The following CHCHD6 variants were observed in gnomAD, a reference collection of about 807,000 sequenced individuals.
CHCHD6 encodes MICOS complex subunit MIC25.
CHCHD6 carries 28 observed loss-of-function variants against 32.3 expected under a neutral mutation model. The ratio of observed to expected loss-of-function variants is 0.87; its 90% CI spans 0.64 to 1.19. The LOEUF (loss-of-function observed/expected upper bound fraction) is 1.19, where lower values mean the gene tolerates loss of function less well. Ranked by LOEUF, CHCHD6 falls within the 50% of genes most tolerant of loss-of-function variation. The probability of loss-of-function intolerance (pLI) is 0.00; values close to 1 mark genes in which losing one functional copy is unlikely to be tolerated. For synonymous variants in CHCHD6, 122 were observed against 117.5 expected (o/e 1.04, Z -0.25); for missense variants, 333 against 307.0 (o/e 1.08, Z -0.63).
chr3:126,720,535 G>C lies in CHCHD6; in HGVS notation c.88-6543G>C, dbSNP rs566521376. Among the ~76,000 whole-genome samples the C allele has an allele frequency of 2.0e-5, 3 of 152,286 alleles. No homozygotes were observed. In the South Asian group the frequency reaches 6.2e-4, roughly 32 times the overall value. On this transcript the variant is annotated intron_variant, in intron 1 of 7. Coordinates refer to ENST00000290913, the MANE Select transcript of CHCHD6 (RefSeq NM_032343.3). ...GTAGCACTGGCCAGTTTCTATGGTGGATATACCATTGTAGCCAATTCCAAA... is the reference window on the plus strand; with the variant it reads ...GTAGCACTGGCCAGTTTCTATGGTGCATATACCATTGTAGCCAATTCCAAA...
intron 1 of CHCHD6, among the ~76,000 whole-genome samples, chr3:126,718,488 GTA>G (rs1410846925): frequency 6.6e-6 from 1 of 152,202 alleles, no homozygotes; most frequent in Admixed American, 6.5e-5. Flanking sequence ...CACACAGCTG[GTA>G]TGCAGCTTAG....
chr3:126,948,259 C>T (rs2078667761), intron 6 of CHCHD6, among the ~76,000 whole-genome samples: 1 of 152,222 alleles, frequency 6.6e-6, no homozygotes, highest in South Asian at 2.1e-4. Context: ...TTCTGGAGGG[C>T]AGAGGTCCAC....
At chr3:126,746,298 G>A (rs1409041702) in intron 4 of CHCHD6, among the ~76,000 whole-genome samples, 1 of 152,126 alleles carries the variant, frequency 6.6e-6, no homozygotes, top group Non-Finnish European at 1.5e-5. Flanking sequence ...CAGCCTTGCT[G>A]GGAAAGTCAT....
intron 4 of CHCHD6, among the ~76,000 whole-genome samples, chr3:126,765,345 GGC>G (rs34165707): frequency 0.25 from 38,068 of 152,054 alleles, 6,178 homozygotes; most frequent in East Asian, 0.62. Flanking sequence ...TTCCAGGAAA[GGC>G]ACCTCATTAC....
chr3:126,728,079 G>A (rs1020240874), intron 2 of CHCHD6, among the ~76,000 whole-genome samples: 5 of 152,094 alleles, frequency 3.3e-5, no homozygotes, highest in African/African-American at 9.7e-5. Flanking sequence ...CTGGTCTCGC[G>A]TTACAGTTGC....
chr3:126,929,355 A>G (rs1441519194), intron 6 of CHCHD6, among the ~76,000 whole-genome samples: 2 of 152,130 alleles, frequency 1.3e-5, no homozygotes, highest in Non-Finnish European at 2.9e-5. Flanking sequence ...CACTGAACTC[A>G]CCATGTTGTC....
chr3:126,802,983 A>G (rs965236422), intron 4 of CHCHD6, among the ~76,000 whole-genome samples: 1 of 152,202 alleles, frequency 6.6e-6, no homozygotes, highest in African/African-American at 2.4e-5. Context: ...AAGTGAAGAG[A>G]AATAAAATCC....
chr3:126,789,082 C>T (rs1407003081), intron 4 of CHCHD6, among the ~76,000 whole-genome samples: 1 of 152,160 alleles, frequency 6.6e-6, no homozygotes, highest in Admixed American at 6.5e-5. Context: ...GTTATGTATC[C>T]ATTAATCATT....
At chr3:126,903,724 A>G (rs1393129177) in intron 5 of CHCHD6, among the ~76,000 whole-genome samples, 1 of 152,190 alleles carries the variant, frequency 6.6e-6, no homozygotes, top group Non-Finnish European at 1.5e-5. Flanking sequence ...ACACCCTGCC[A>G]GTGGAGTGAT....
chr3:126,758,065 A>G (rs1559826357), intron 4 of CHCHD6, among the ~76,000 whole-genome samples: 1 of 152,240 alleles, frequency 6.6e-6, no homozygotes, highest in Non-Finnish European at 1.5e-5. Context: ...ACTCTTGGGC[A>G]AGCCCTCTGT....
intron 5 of CHCHD6, among the ~76,000 whole-genome samples, chr3:126,901,994 A>G (rs921063000): frequency 9.2e-5 from 14 of 152,250 alleles, no homozygotes; most frequent in Non-Finnish European, 2.9e-5. Flanking sequence ...TAGATGAGGA[A>G]ACAGGAACGC....
chr3:126,894,815 A>C (rs1350416563), intron 5 of CHCHD6, among the ~76,000 whole-genome samples: 1 of 152,244 alleles, frequency 6.6e-6, no homozygotes, highest in African/African-American at 2.4e-5. Context: ...GTGCGACAGC[A>C]GGAGAGATCT....
intron 4 of CHCHD6, among the ~76,000 whole-genome samples, chr3:126,838,751 G>A (rs2107545673): frequency 6.6e-6 from 1 of 152,298 alleles, no homozygotes; most frequent in African/African-American, 2.4e-5. Context: ...GAGGCACAGA[G>A]AAATTGCAAA....
intron 5 of CHCHD6, among the ~76,000 whole-genome samples, chr3:126,863,419 A>C (rs1297624511): frequency 3.7e-5 from 2 of 54,430 alleles, no homozygotes; most frequent in African/African-American, 8.1e-5. Context: ...TACCATCATC[A>C]CCTCCTCCTC....
intron 6 of CHCHD6, among the ~76,000 whole-genome samples, chr3:126,928,805 G>A (rs1176199982): frequency 6.6e-6 from 1 of 152,160 alleles, no homozygotes; most frequent in Non-Finnish European, 1.5e-5. Flanking sequence ...CTGCTTAGTG[G>A]CATCCCTGAA....
chr3:126,797,207 T>C (rs182972407), intron 4 of CHCHD6, among the ~76,000 whole-genome samples: 3 of 152,292 alleles, frequency 2.0e-5, no homozygotes, highest in Admixed American at 6.5e-5. Context: ...CACCTGGGCA[T>C]GTGGAAGCAT....
At chr3:126,897,324 A>G (rs978451225) in intron 5 of CHCHD6, among the ~76,000 whole-genome samples, 3 of 152,204 alleles carry the variant, frequency 2.0e-5, no homozygotes, top group African/African-American at 7.2e-5. Flanking sequence ...TGGTATCAAT[A>G]GATAACGACT....
At chr3:126,908,581 C>A (rs1439910496) in intron 5 of CHCHD6, among the ~76,000 whole-genome samples, 2 of 152,080 alleles carry the variant, frequency 1.3e-5, no homozygotes, top group Non-Finnish European at 2.9e-5. Context: ...GGCACTGTTA[C>A]AGGCTCTGGG....
chr3:126,788,138 C>T (rs191309847), intron 4 of CHCHD6, among the ~76,000 whole-genome samples: 69 of 152,132 alleles, frequency 4.5e-4, no homozygotes, highest in East Asian at 2.3e-3. Context: ...TATTGATTTG[C>T]GTATGTTGAA....
Sources: gnomAD v4.1 joint callset for allele counts (sites outside exome capture counted in the v4.1 genomes callset) on GRCh38, gnomAD v4.1.1 for gene constraint, MANE v1.5 for transcripts, NCBI Gene and HGNC (gene_info 2026-07-23, HGNC 2026-07-21) for gene names.